POLE2: variants seen among roughly 807,000 people sequenced by gnomAD.
POLE2 encodes DNA polymerase epsilon subunit 2.
In POLE2, 56 loss-of-function variants were observed where a neutral mutation model predicts 79.4. That is an observed-to-expected ratio of 0.71 (90% CI 0.57 to 0.88). The LOEUF is 0.88. Ranked by LOEUF, POLE2 falls within the 40% of genes least tolerant of loss-of-function variation. The probability of loss-of-function intolerance (pLI) is 0.00; values close to 1 mark genes in which losing one functional copy is unlikely to be tolerated. For synonymous variants in POLE2, 212 were observed against 214.0 expected (o/e 0.99, Z 0.08); for missense variants, 598 against 638.9 (o/e 0.94, Z 0.69).
intron 5 of POLE2, among the ~76,000 whole-genome samples, chr14:49,669,939 T>C (rs1253835600): frequency 6.6e-6 from 1 of 152,168 alleles, no homozygotes; most frequent in Non-Finnish European, 1.5e-5. Flanking sequence ...GGGCTGACTG[T>C]ACCCCAGGCC....
intron 7 of POLE2, among the ~76,000 whole-genome samples, chr14:49,665,822 T>TTTTA (rs1555332312): frequency 2.6e-5 from 4 of 151,956 alleles, no homozygotes; most frequent in South Asian, 2.1e-4. Context: ...GCCATTATTA[T>TTTTA]TTTATTTATT....
chr14:49,664,609 A>G lies in POLE2; in HGVS notation c.682+17T>C, dbSNP rs780597515. 6.6e-7 allele frequency: 1 copy of G among 1,515,606 alleles called. No individual in the cohort carries two copies. Among genetic ancestry groups the G allele is most frequent in the South Asian group, 1.1e-5 (1 of 88,592 alleles). 93.9% of individuals were successfully genotyped at this position (1,515,606 alleles called of 1,614,324 possible). On this transcript the variant is annotated intron_variant, in intron 9 of 18. Transcript: ENST00000216367. ...GGAGAATGAGAAGAAGGACAGTAAC[A>G]AAGTATACTGACTTACCTTCTGCTA... is the stretch of plus-strand genomic sequence containing the variant.
intron 3 of POLE2, 38 bp from the exon 4 acceptor site, chr14:49,674,465 AAAAC>A (rs1566561519): frequency 8.2e-7 from 1 of 1,225,822 alleles, no homozygotes; most frequent in South Asian, 1.2e-5. Flanking sequence ...CTGATTTACT[AAAAC>A]ATAAGTACTC....
At chr14:49,674,282 G>C in intron 4 of POLE2, 66 bp from the exon 5 acceptor site, 1 of 1,445,974 alleles carries the variant, frequency 6.9e-7, no homozygotes, top group African/African-American at 1.4e-5. Context: ...AGTGAAGCAA[G>C]AGACTATACC....
intron 18 of POLE2, among the ~76,000 whole-genome samples, chr14:49,643,875 CTTTT>C (rs11361567): frequency 7.0e-4 from 37 of 53,174 alleles, no homozygotes; most frequent in African/African-American, 2.2e-3. Context: ...AAATGTATGT[CTTTT>C]TTTTTTTTTT....
chr14:49,670,241 A>T (rs1885782865), intron 5 of POLE2, among the ~76,000 whole-genome samples: 1 of 142,750 alleles, frequency 7.0e-6, no homozygotes, highest in Non-Finnish European at 1.5e-5. Flanking sequence ...GCTTGAATCC[A>T]GGAGGCAGAG....
At chr14:49,675,405 G>C (rs1309044343) in intron 3 of POLE2, among the ~76,000 whole-genome samples, 1 of 151,382 alleles carries the variant, frequency 6.6e-6, no homozygotes, top group African/African-American at 2.4e-5. Flanking sequence ...TATTATTAAA[G>C]GATATGATTA....
chr14:49,668,765 T>A (rs1180512777), intron 6 of POLE2, among the ~76,000 whole-genome samples: 1 of 152,134 alleles, frequency 6.6e-6, no homozygotes, highest in Non-Finnish European at 1.5e-5. Context: ...ATATAAGTAA[T>A]GTCAATTTCT....
intron 6 of POLE2, among the ~76,000 whole-genome samples, chr14:49,669,292 G>T (rs1353885549): frequency 1.3e-5 from 2 of 152,150 alleles, no homozygotes; most frequent in Non-Finnish European, 2.9e-5. Context: ...AGTGTATCTG[G>T]GGCTAGCATC....
At position 49,688,191 on chromosome 14, in the gene POLE2, G is replaced by T; in HGVS notation, c.13C>A (p.Arg5=). The change falls in exon 1 of 19, where the codon CGG becomes AGG. Residue 5 remains arginine, a synonymous_variant. Coordinates refer to ENST00000216367, the MANE Select transcript of POLE2 (RefSeq NM_002692.4). MAPE[R]LRSRALSAFK... is the part of the protein sequence containing the mutation. ...GCGGAGAGCGCCCGGCTCCGCAGCC[G>T]CTCCGGCGCCATATTTGCGATTTGG... 2 of 1,532,940 alleles carry T rather than the reference G, an allele frequency of 1.3e-6. No individual in the cohort carries two copies. The highest frequency in any genetic ancestry group is 2.6e-5 in the East Asian group (1 of 38,122). The allele number at this position is 1,532,940 out of a possible 1,614,324, so 95.0% of individuals were successfully genotyped here.
At chr14:49,688,003 T>G in intron 1 of POLE2, 133 bp downstream of exon 1, 1 of 738,862 alleles carries the variant, frequency 1.4e-6, no homozygotes, top group Admixed American at 2.4e-5. Flanking sequence ...CGACCGCTTC[T>G]TAGAACTCTG....
intron 3 of POLE2, chr14:49,677,365 T>A: frequency 2.0e-6 from 1 of 506,320 alleles, no homozygotes; most frequent in East Asian, 3.6e-5. Flanking sequence ...CTTCAGCTCC[T>A]GCTGGGTATC....
At chr14:49,678,064 A>C (rs1372322025) in intron 3 of POLE2, among the ~76,000 whole-genome samples, 1 of 151,142 alleles carries the variant, frequency 6.6e-6, no homozygotes, top group Non-Finnish European at 1.5e-5. Flanking sequence ...GAGTGGCACG[A>C]TCTTGGCTCA....
At chr14:49,674,324 T>C (rs1214133688) in intron 4 of POLE2, 26 bp downstream of exon 4, 18 of 1,537,644 alleles carry the variant, frequency 1.2e-5, no homozygotes, top group Non-Finnish European at 1.6e-5. Flanking sequence ...TGAAATTAAT[T>C]TAAAATCAGT....
Position 49,655,767 on chromosome 14 carries a change from G to C in POLE2, c.832C>G (p.Leu278Val). ...ATAGCATCTTTATTCTCCTCTTCTA[G>C]CTGTTTTAGTTTTGCAGAAGTCTTC... The part of the protein sequence containing the change: ...SVKTSAKLKQ[L>V]EEENKDAMFV... Residue 278 changes from leucine to valine, a missense_variant, in exon 11 of 19, where the codon CTA becomes GTA. Leu to Val is a conservative substitution (Grantham distance 32, BLOSUM62 1). Transcript: ENST00000216367. 1 of 1,607,810 alleles carries C rather than the reference G, an allele frequency of 6.2e-7. No individual in the cohort carries two copies. The highest frequency in any genetic ancestry group is 8.5e-7 in the Non-Finnish European group (1 of 1,175,150).
At chr14:49,665,063 T>C in intron 8 of POLE2, 44 bp downstream of exon 8, 1 of 877,624 alleles carries the variant, frequency 1.1e-6, no homozygotes, top group Non-Finnish European at 1.9e-6. Context: ...TTTCCCCAAT[T>C]CACGTAATGC....
chr14:49,643,643 T>C lies in POLE2; in HGVS notation c.*9A>G. On this transcript the variant is annotated 3_prime_UTR_variant, in exon 19 of 19. Coordinates refer to ENST00000216367, the MANE Select transcript of POLE2 (RefSeq NM_002692.4). ...CTGATGAATTTTCTTCAGATGATCT[T>C]TAAGAATCTCAAAAGCCTTGAAGTT... is the stretch of plus-strand genomic sequence containing the variant. 1 of 1,394,498 alleles carries C rather than the reference T, an allele frequency of 7.2e-7. No homozygotes were observed. Among genetic ancestry groups the C allele is most frequent in the Non-Finnish European group, 1.0e-6 (1 of 1,001,374 alleles). 86.4% of individuals were successfully genotyped at this position (1,394,498 alleles called of 1,614,324 possible). A position where few individuals can be genotyped will look rare whatever the true frequency, so the allele number is the denominator to read the frequency against.
At chr14:49,645,662 A>C (rs1435916683) in intron 18 of POLE2, among the ~76,000 whole-genome samples, 1 of 152,242 alleles carries the variant, frequency 6.6e-6, no homozygotes, top group African/African-American at 2.4e-5. Context: ...GCTGTCACCC[A>C]GGCTGGAGTG....
intron 2 of POLE2, among the ~76,000 whole-genome samples, chr14:49,682,507 C>T (rs190205007): frequency 7.5e-4 from 114 of 151,138 alleles, no homozygotes; most frequent in Non-Finnish European, 1.2e-3. Context: ...CATGGTGGCG[C>T]ACACCTGTAA....
Sources: gnomAD v4.1 joint callset for allele counts (sites outside exome capture counted in the v4.1 genomes callset) on GRCh38, gnomAD v4.1.1 for gene constraint, MANE v1.5 for transcripts, NCBI Gene and HGNC (gene_info 2026-07-23, HGNC 2026-07-21) for gene names.